The following RUNX1T1 variants were observed in gnomAD, a reference collection of about 807,000 sequenced individuals.
RUNX1T1 encodes the protein RUNX1 partner transcriptional co-repressor 1.
RUNX1T1 carries 4 observed loss-of-function variants against 62.8 expected under a neutral mutation model. The observed-to-expected ratio is 0.06, with a 90% CI of 0.03 to 0.15. RUNX1T1 has a LOEUF of 0.15. Among genes scored for constraint, RUNX1T1 ranks in the 10% least tolerant of loss-of-function variants. The probability of loss-of-function intolerance (pLI) is 1.00; values close to 1 mark genes in which losing one functional copy is unlikely to be tolerated. For missense variants in RUNX1T1, 508 were observed against 754.3 expected (o/e 0.67, Z 3.82); for synonymous variants, 291 against 286.0 (o/e 1.02, Z -0.18).
intron 1 of RUNX1T1, among the ~76,000 whole-genome samples, chr8:92,057,808 C>A (rs1831280576): frequency 6.6e-6 from 1 of 152,138 alleles, no homozygotes. Flanking sequence ...ATTTATTCCT[C>A]TAGATATGGT....
At chr8:92,066,437 T>A (rs1832886253), upstream of RUNX1T1, among the ~76,000 whole-genome samples, 1 of 152,228 alleles carries the variant, frequency 6.6e-6, no homozygotes, top group Admixed American at 6.5e-5. Context: ...AATTCAAATC[T>A]GCTAGTTTTG....
At chr8:91,955,769 C>T (rs1354497330), downstream of RUNX1T1, 3 of 225,626 alleles carry the variant, frequency 1.3e-5, no homozygotes, top group Non-Finnish European at 2.6e-5. Flanking sequence ...TCTGCTACAA[C>T]ACAGTATATA....
chr8:92,055,310 C>T (rs1315620926), intron 1 of RUNX1T1, among the ~76,000 whole-genome samples: 1 of 152,156 alleles, frequency 6.6e-6, no homozygotes, highest in African/African-American at 2.4e-5. Context: ...TAAACAATGT[C>T]AACAACAGGT....
At chr8:92,036,947 A>G (rs1473398390) in intron 1 of RUNX1T1, among the ~76,000 whole-genome samples, 3 of 152,320 alleles carry the variant, frequency 2.0e-5, no homozygotes, top group South Asian at 4.1e-4. Flanking sequence ...TCTAGGCTCA[A>G]TGTCCTGAGC....
At chr8:91,957,378 C>T (rs1268541791), downstream of RUNX1T1, 9 of 225,886 alleles carry the variant, frequency 4.0e-5, no homozygotes, top group Non-Finnish European at 7.0e-5. Context: ...GTGCAATATA[C>T]ATGCTGTCAG....
chr8:92,022,268 C>T (rs753051026), intron 1 of RUNX1T1, among the ~76,000 whole-genome samples: 1 of 152,056 alleles, frequency 6.6e-6, no homozygotes, highest in Non-Finnish European at 1.5e-5. Flanking sequence ...CAAACACACA[C>T]CATCAACAGT....
intron 1 of RUNX1T1, chr8:92,017,728 G>A: frequency 1.1e-6 from 1 of 878,294 alleles, no homozygotes; most frequent in Non-Finnish European, 1.5e-6. Context: ...AACCCCTCAT[G>A]ACAGCTCAGA....
intron 2 of RUNX1T1, among the ~76,000 whole-genome samples, chr8:92,073,415 C>A (rs370387451): frequency 1.3e-5 from 2 of 152,154 alleles, no homozygotes; most frequent in Non-Finnish European, 2.9e-5. Flanking sequence ...CTCCAGGAGA[C>A]CCCAGCCTGC....
At chr8:92,034,745 C>CACATATATAGACACACATAT in intron 1 of RUNX1T1, among the ~76,000 whole-genome samples, 1 of 148,576 alleles carries the variant, frequency 6.7e-6, no homozygotes, top group South Asian at 2.2e-4. Context: ...CATATATATA[C>CACATATATAGACACACATAT]ACATATATAT....
At chr8:92,100,543 A>C (rs971419890), upstream of RUNX1T1, among the ~76,000 whole-genome samples, 1 of 152,216 alleles carries the variant, frequency 6.6e-6, no homozygotes, top group African/African-American at 2.4e-5. Flanking sequence ...TAATAAACCA[A>C]CAAAATATAA....
At chr8:91,986,433 T>TC in intron 7 of RUNX1T1, 108 bp from the exon 9 acceptor site, 1 of 817,606 alleles carries the variant, frequency 1.2e-6, no homozygotes, top group Non-Finnish European at 2.0e-6. Flanking sequence ...AGCAATTTTA[T>TC]CCCTGAAGGT....
chr8:92,102,271 C>G (rs1409753342), upstream of RUNX1T1, among the ~76,000 whole-genome samples: 1 of 152,172 alleles, frequency 6.6e-6, no homozygotes, highest in Non-Finnish European at 1.5e-5. The surrounding 1 kb of genome is among the most constrained non-coding windows in gnomAD (Gnocchi z 4.5). Flanking sequence ...GGAAAGTTCG[C>G]AGGCAGGCGC....
chr8:92,083,290 A>C (rs1835566050), intron 1 of RUNX1T1, among the ~76,000 whole-genome samples: 1 of 152,242 alleles, frequency 6.6e-6, no homozygotes, highest in Non-Finnish European at 1.5e-5. Context: ...CAGCAAAAGA[A>C]ACTACCATCA....
chr8:91,998,662 G>T (rs1819172950), intron 5 of RUNX1T1, among the ~76,000 whole-genome samples: 2 of 152,178 alleles, frequency 1.3e-5, no homozygotes, highest in African/African-American at 4.8e-5. Flanking sequence ...CTGCTCAACA[G>T]TTAGGCTGTT....
chr8:92,051,062 C>G (rs1438711135), intron 1 of RUNX1T1, among the ~76,000 whole-genome samples: 2 of 152,088 alleles, frequency 1.3e-5, no homozygotes, highest in South Asian at 4.1e-4. Context: ...CACTCTCCAG[C>G]CTTTTTTTTT....
intron 1 of RUNX1T1, among the ~76,000 whole-genome samples, chr8:92,076,876 T>C (rs147830017): frequency 1.3e-5 from 2 of 152,172 alleles, no homozygotes; most frequent in East Asian, 1.9e-4. Context: ...AGACCACTAC[T>C]ATCACTACTA....
chr8:91,976,523 C>A (rs1284190976), intron 8 of RUNX1T1, among the ~76,000 whole-genome samples: 1 of 152,148 alleles, frequency 6.6e-6, no homozygotes, highest in African/African-American at 2.4e-5. Context: ...ATTTGACATA[C>A]GTGAAAGCCA....
At chr8:92,089,116 TC>T (rs1397770946) in intron 1 of RUNX1T1, among the ~76,000 whole-genome samples, 3 of 152,160 alleles carry the variant, frequency 2.0e-5, no homozygotes, top group Non-Finnish European at 4.4e-5. Context: ...ACAGTAAGCT[TC>T]CACTGTCATT....
At chr8:91,959,454 G>GTATA (rs1246194007) in exon 11 of RUNX1T1, 51 of 121,002 alleles carry the variant, frequency 4.2e-4, no homozygotes, top group Admixed American at 2.1e-3. Context: ...GTGTGTGTGT[G>GTATA]TGTGTGTGTG....
Sources: gnomAD v4.1 joint callset for allele counts (sites outside exome capture counted in the v4.1 genomes callset) on GRCh38, gnomAD v4.1.1 for gene constraint, Gnocchi (gnomAD v3.1) non-coding constraint, MANE v1.5 for transcripts, NCBI Gene and HGNC (gene_info 2026-07-23, HGNC 2026-07-21) for gene names.